Variants in SPTBN1 observed in about 807,000 individuals in gnomAD.
SPTBN1 encodes spectrin beta chain, non-erythrocytic 1.
In SPTBN1, 32 loss-of-function variants were observed where a neutral mutation model predicts 266.4. That is an observed-to-expected ratio of 0.12 (90% CI 0.09 to 0.16). The LOEUF (loss-of-function observed/expected upper bound fraction) is 0.16, where lower values mean the gene tolerates loss of function less well. Among genes scored for constraint, SPTBN1 ranks in the 10% least tolerant of loss-of-function variants. The probability of loss-of-function intolerance (pLI) is 1.00; values close to 1 mark genes in which losing one functional copy is unlikely to be tolerated. For synonymous variants in SPTBN1, 1,336 were observed against 1,162.2 expected, an observed-to-expected ratio of 1.15 and a Z score of -3.04; for missense variants, 2,296 against 3,067.1, an observed-to-expected ratio of 0.75 and a Z score of 5.94.
chr2:54,497,894 G>A (rs1008328309), intron 1 of SPTBN1, among the ~76,000 whole-genome samples: 1 of 152,138 alleles, frequency 6.6e-6, no homozygotes, highest in Non-Finnish European at 1.5e-5. Flanking sequence ...GTGCAAGTGT[G>A]CGCCAGTAAC....
intron 17 of SPTBN1, among the ~76,000 whole-genome samples, chr2:54,634,159 C>T (rs1006472894): frequency 7.9e-5 from 12 of 152,186 alleles, no homozygotes; most frequent in African/African-American, 2.9e-4. Flanking sequence ...TGGTTTCCTG[C>T]AGGCGGGCTT....
intron 1 of SPTBN1, among the ~76,000 whole-genome samples, chr2:54,491,362 T>A (rs1668674619): frequency 6.6e-6 from 1 of 152,108 alleles, no homozygotes; most frequent in Non-Finnish European, 1.5e-5. Context: ...TAGAAAAAAA[T>A]TTCATTACCA....
intron 1 of SPTBN1, among the ~76,000 whole-genome samples, chr2:54,463,320 A>G (rs1387518086): frequency 1.3e-5 from 2 of 152,266 alleles, no homozygotes; most frequent in Non-Finnish European, 2.9e-5. Flanking sequence ...TGACAAATAG[A>G]CAAGTCAAGT....
At position 54,646,617 on chromosome 2, in the gene SPTBN1, G is replaced by A. The variant is rs1207883700; in HGVS notation, c.4866+142G>A. 7.1e-6 allele frequency: 7 copies of A among 985,286 alleles called. No homozygotes were observed. Among genetic ancestry groups the A allele is most frequent in the African/African-American group, 1.7e-5 (1 of 60,154 alleles). 61.0% of individuals were successfully genotyped at this position (985,286 alleles called of 1,614,324 possible). On this transcript the variant is annotated intron_variant, in intron 23 of 35. Transcript: ENST00000356805. The surrounding 1 kb of genome is among the most constrained non-coding windows in gnomAD (Gnocchi z 4.4). Reference sequence around the variant, plus strand: ...AAGGGGACACCATGTGCATGAAGGTGTCTGAAATCCAGCTGCTGGTTTCCC... The same window carrying A: ...AAGGGGACACCATGTGCATGAAGGTATCTGAAATCCAGCTGCTGGTTTCCC...
At chr2:54,468,607 G>T (rs1051376510) in intron 1 of SPTBN1, among the ~76,000 whole-genome samples, 2 of 152,160 alleles carry the variant, frequency 1.3e-5, no homozygotes, top group African/African-American at 2.4e-5. Context: ...ACTATCTGTT[G>T]CCCTGAGCTG....
chr2:54,599,278 A>C, intron 3 of SPTBN1, 35 bp downstream of exon 3: 1 of 1,602,178 alleles, frequency 6.2e-7, no homozygotes, highest in East Asian at 2.2e-5. Flanking sequence ...CGTGTGTTGT[A>C]GGTGGAAAAT....
At chr2:54,625,568 C>T (rs577052207) in intron 11 of SPTBN1, among the ~76,000 whole-genome samples, 4 of 151,880 alleles carry the variant, frequency 2.6e-5, no homozygotes, top group Non-Finnish European at 5.9e-5. Flanking sequence ...GGGGGTGGCG[C>T]GGGAAATAGG....
chr2:54,491,774 A>C (rs1668696201), intron 1 of SPTBN1, among the ~76,000 whole-genome samples: 1 of 151,706 alleles, frequency 6.6e-6, no homozygotes, highest in African/African-American at 2.4e-5. Flanking sequence ...TTTTCTTTTT[A>C]TTTTTTGGTA....
rs1336010190 is a variant in SPTBN1, at chr2:54,485,728, T to G, written c.-48+29210T>G. Among the ~76,000 whole-genome samples, 9 of 128,792 alleles carry G rather than the reference T, an allele frequency of 7.0e-5. No homozygotes were observed. In the South Asian group the frequency reaches 8.2e-4, roughly 12 times the overall value. The allele number at this position is 128,792 out of a possible 152,430, so 84.5% of individuals were successfully genotyped here. On this transcript the variant is annotated intron_variant, in intron 1 of 35. Coordinates refer to ENST00000356805, the MANE Select transcript of SPTBN1 (RefSeq NM_003128.3). ...GAGGAGCGTCTCTGCCCGGCCGCCA[T>G]CCCATCTAGGAAGTGAGGAGCGCCT...
At chr2:54,492,552 T>C (rs1668748944) in intron 1 of SPTBN1, among the ~76,000 whole-genome samples, 2 of 150,096 alleles carry the variant, frequency 1.3e-5, no homozygotes, top group African/African-American at 4.8e-5. Flanking sequence ...TTGCACCAAC[T>C]GACTGACTGC....
intron 2 of SPTBN1, among the ~76,000 whole-genome samples, chr2:54,537,279 T>C (rs765642402): frequency 6.6e-6 from 1 of 152,202 alleles, no homozygotes; most frequent in Non-Finnish European, 1.5e-5. Flanking sequence ...TTGTCCTCAT[T>C]GCTAAATGAC....
At chr2:54,497,158 C>G (rs534537020) in intron 1 of SPTBN1, among the ~76,000 whole-genome samples, 1 of 152,292 alleles carries the variant, frequency 6.6e-6, no homozygotes, top group Non-Finnish European at 1.5e-5. Context: ...TTCTTTTTTA[C>G]CGTAAGACCA....
chr2:54,479,221 T>C (rs1667987698), intron 1 of SPTBN1, among the ~76,000 whole-genome samples: 1 of 152,208 alleles, frequency 6.6e-6, no homozygotes, highest in Non-Finnish European at 1.5e-5. Context: ...TGTATAGCAA[T>C]GATTTAAAGG....
chr2:54,530,609 G>A (rs1331626416), intron 2 of SPTBN1, among the ~76,000 whole-genome samples: 2 of 151,800 alleles, frequency 1.3e-5, no homozygotes, highest in Admixed American at 6.6e-5. Flanking sequence ...TGCCCGCCTC[G>A]GCCTCCCAAA....
chr2:54,570,864 C>T (rs1019161505), intron 2 of SPTBN1, among the ~76,000 whole-genome samples: 3 of 152,098 alleles, frequency 2.0e-5, no homozygotes, highest in South Asian at 2.1e-4. Flanking sequence ...GTCTGTTGAA[C>T]TCTTAAATCC....
At chr2:54,483,606 GC>G (rs1668205654) in intron 1 of SPTBN1, among the ~76,000 whole-genome samples, 1 of 152,168 alleles carries the variant, frequency 6.6e-6, no homozygotes. Context: ...CTCCCCAGGA[GC>G]AGATTTCTGT....
At chr2:54,483,367 G>T (rs1314164551) in intron 1 of SPTBN1, among the ~76,000 whole-genome samples, 4 of 152,182 alleles carry the variant, frequency 2.6e-5, no homozygotes, top group Non-Finnish European at 1.5e-5. Context: ...TCCAAGGAAG[G>T]TAGGGTCACG....
At chr2:54,547,283 A>AT (rs1672302451) in intron 2 of SPTBN1, among the ~76,000 whole-genome samples, 1 of 152,220 alleles carries the variant, frequency 6.6e-6, no homozygotes, top group Non-Finnish European at 1.5e-5. Flanking sequence ...CATCCATGTT[A>AT]TAGCATATGA....
chr2:54,504,366 ATTCC>A (rs1356732864), intron 1 of SPTBN1, among the ~76,000 whole-genome samples: 1 of 152,246 alleles, frequency 6.6e-6, no homozygotes, highest in African/African-American at 2.4e-5. Context: ...ACTTAAGGAT[ATTCC>A]TTGGGTGACT....
Sources: gnomAD v4.1 joint callset for allele counts (sites outside exome capture counted in the v4.1 genomes callset) on GRCh38, gnomAD v4.1.1 for gene constraint, Gnocchi (gnomAD v3.1) non-coding constraint, MANE v1.5 for transcripts, NCBI Gene and HGNC (gene_info 2026-07-23, HGNC 2026-07-21) for gene names.